The following DSCAM variants were observed in gnomAD, a reference collection of about 807,000 sequenced individuals.
DSCAM encodes DS cell adhesion molecule.
In DSCAM, 47 loss-of-function variants were observed where a neutral mutation model predicts 217.7. The observed-to-expected ratio is 0.22, with a 90% CI of 0.17 to 0.28. The LOEUF is 0.28. Ranked by LOEUF, DSCAM falls within the 10% of genes least tolerant of loss-of-function variation. The probability of loss-of-function intolerance (pLI) is 1.00; values close to 1 mark genes in which losing one functional copy is unlikely to be tolerated. For missense variants in DSCAM, 2,080 were observed against 2,618.3 expected (o/e 0.79, Z 4.49); for synonymous variants, 1,056 against 1,015.3 (o/e 1.04, Z -0.76).
chr21:40,798,098 A>G (rs2091707571), intron 1 of DSCAM, among the ~76,000 whole-genome samples: 1 of 152,168 alleles, frequency 6.6e-6, no homozygotes, highest in East Asian at 1.9e-4. Flanking sequence ...GAATCAGACT[A>G]TCAAGTTAGC....
chr21:40,147,570 T>C (rs1740238020), intron 16 of DSCAM, among the ~76,000 whole-genome samples: 1 of 152,254 alleles, frequency 6.6e-6, no homozygotes. Flanking sequence ...TGCAAAATAT[T>C]GTGTGGAATA....
At chr21:40,832,799 G>A (rs1601324909) in intron 1 of DSCAM, among the ~76,000 whole-genome samples, 1 of 152,290 alleles carries the variant, frequency 6.6e-6, no homozygotes, top group East Asian at 1.9e-4. Flanking sequence ...ATGGTAATCT[G>A]CAGCCTTAGA....
intron 1 of DSCAM, among the ~76,000 whole-genome samples, chr21:40,742,335 AT>A (rs1042804606): frequency 6.6e-5 from 10 of 152,144 alleles, no homozygotes; most frequent in Admixed American, 5.9e-4. Flanking sequence ...TTGTATGTTG[AT>A]TTTTGTATCC....
At chr21:40,287,351 T>C (rs1301623014) in intron 10 of DSCAM, among the ~76,000 whole-genome samples, 1 of 152,226 alleles carries the variant, frequency 6.6e-6, no homozygotes. Flanking sequence ...ATTAACCTGC[T>C]TGAGGGACTT....
intron 8 of DSCAM, among the ~76,000 whole-genome samples, chr21:40,328,876 A>G (rs919893717): frequency 6.6e-6 from 1 of 152,248 alleles, no homozygotes; most frequent in African/African-American, 2.4e-5. Context: ...ACATTTCTCA[A>G]AAGAAGACAT....
intron 9 of DSCAM, among the ~76,000 whole-genome samples, chr21:40,296,819 C>T (rs1182128724): frequency 1.2e-5 from 1 of 85,752 alleles, no homozygotes. Context: ...CAACAAGAGT[C>T]AAACTCCATC....
chr21:40,484,966 G>C (rs1234062664), intron 3 of DSCAM, among the ~76,000 whole-genome samples: 1 of 152,096 alleles, frequency 6.6e-6, no homozygotes, highest in Non-Finnish European at 1.5e-5. Flanking sequence ...CTTTGCTCCT[G>C]CTCCTTCATT....
At chr21:40,333,487 C>T (rs2074397740) in intron 8 of DSCAM, among the ~76,000 whole-genome samples, 1 of 152,192 alleles carries the variant, frequency 6.6e-6, no homozygotes, top group South Asian at 2.1e-4. Context: ...TCCTCAGCCA[C>T]CTGAGTATCT....
At position 40,189,135 on chromosome 21, in the gene DSCAM, G is replaced by A. The variant is rs752336765; in HGVS notation, c.2460C>T (p.Arg820=). 10 of 1,614,096 alleles carry A rather than the reference G, an allele frequency of 6.2e-6. No individual in the cohort carries two copies. In the East Asian group the frequency reaches 1.8e-4, roughly 29 times the overall value. The change falls in exon 12 of 33, where the codon CGC becomes CGT. Residue 820 remains arginine, a synonymous_variant. Coordinates refer to ENST00000400454, the MANE Select transcript of DSCAM (RefSeq NM_001389.5). ...TAHGEKPIIV[R]WEKEDRIINP... ...TAATGATTCGGTCCTCCTTCTCCCA[G>A]CGGACTATAATGGGCTTCTCACCAT...
chr21:40,091,593 T>C (rs74762297), intron 21 of DSCAM, among the ~76,000 whole-genome samples: 4,510 of 152,166 alleles, frequency 0.03, 227 homozygotes, highest in African/African-American at 0.1. Context: ...GCATATACTT[T>C]TGTGATGCTT....
intron 1 of DSCAM, among the ~76,000 whole-genome samples, chr21:40,790,913 A>G (rs2123463537): frequency 1.3e-5 from 2 of 152,272 alleles, no homozygotes; most frequent in African/African-American, 4.8e-5. Context: ...GCAGTGGCTC[A>G]TGCCTGTAAT....
At chr21:40,306,592 C>T (rs1287552276) in intron 9 of DSCAM, among the ~76,000 whole-genome samples, 2 of 148,830 alleles carry the variant, frequency 1.3e-5, no homozygotes, top group South Asian at 2.1e-4. Context: ...TCATAGATAG[C>T]TCTTATTATT....
chr21:40,072,012 G>C (rs1286398133), intron 27 of DSCAM, among the ~76,000 whole-genome samples: 1 of 152,190 alleles, frequency 6.6e-6, no homozygotes, highest in African/African-American at 2.4e-5. Flanking sequence ...CTCTGGCGCT[G>C]TCCTTTTATG....
At chr21:40,429,360 G>C (rs1027688239) in intron 3 of DSCAM, among the ~76,000 whole-genome samples, 1 of 151,604 alleles carries the variant, frequency 6.6e-6, no homozygotes, top group African/African-American at 2.4e-5. Context: ...TCTGTCTCCC[G>C]AGTTCAAGCA....
chr21:40,040,875 CA>C (rs2088734344), intron 32 of DSCAM, among the ~76,000 whole-genome samples: 1 of 151,970 alleles, frequency 6.6e-6, no homozygotes, highest in Admixed American at 6.6e-5. Context: ...AAAGTCATGG[CA>C]TTTATCCTGC....
intron 1 of DSCAM, among the ~76,000 whole-genome samples, chr21:40,722,438 T>C (rs901055051): frequency 2.0e-5 from 3 of 152,154 alleles, no homozygotes; most frequent in African/African-American, 7.2e-5. Context: ...ATAAATTAAG[T>C]GGTATTATTT....
At chr21:40,042,266 AC>A in intron 32 of DSCAM, 104 bp downstream of exon 32, 1 of 1,191,936 alleles carries the variant, frequency 8.4e-7, no homozygotes, top group Non-Finnish European at 1.2e-6. Flanking sequence ...TAAACAGAGC[AC>A]CCATTTGGTC....
chr21:40,609,989 C>T (rs2089291652), intron 3 of DSCAM, among the ~76,000 whole-genome samples: 1 of 152,182 alleles, frequency 6.6e-6, no homozygotes, highest in Non-Finnish European at 1.5e-5. Flanking sequence ...TTAAAAGAGG[C>T]CACAATCCTG....
intron 30 of DSCAM, among the ~76,000 whole-genome samples, chr21:40,045,593 G>C (rs1052194329): frequency 1.3e-5 from 2 of 152,240 alleles, no homozygotes; most frequent in Non-Finnish European, 2.9e-5. Flanking sequence ...GAAAATGAGA[G>C]AGGTTCAGTT....
Sources: allele counts gnomAD v4.1 joint callset (sites outside exome capture counted in the v4.1 genomes callset), GRCh38; gene constraint gnomAD v4.1.1; transcripts MANE v1.5; gene names NCBI Gene and HGNC (gene_info 2026-07-23, HGNC 2026-07-21).